Variants in GPC5 observed in about 807,000 individuals in gnomAD.
The protein encoded by GPC5 is glypican 5, also known as glypican-5.
In GPC5, 47 loss-of-function variants were observed where a neutral mutation model predicts 53.9. The ratio of observed to expected loss-of-function variants is 0.87; its 90% CI spans 0.69 to 1.11. The LOEUF is 1.11. GPC5 is among the 50% of genes most tolerant of loss of function. GPC5 has a pLI of 0.00. For synonymous variants in GPC5, 286 were observed against 263.3 expected, an observed-to-expected ratio of 1.09 and a Z score of -0.84; for missense variants, 748 against 713.1, an observed-to-expected ratio of 1.05 and a Z score of -0.56.
rs563934628 is a variant in GPC5, at chr13:91,699,247, A to G, written c.1020+5366A>G. 3.3e-5 allele frequency among the ~76,000 whole-genome samples: 5 copies of G among 152,314 alleles called. No homozygotes were observed. In the East Asian group the frequency reaches 9.6e-4, roughly 29 times the overall value. On this transcript the variant is annotated intron_variant, in intron 3 of 7. Coordinates refer to ENST00000377067, the MANE Select transcript of GPC5 (RefSeq NM_004466.6). The stretch of plus-strand genomic sequence containing the variant: ...TTCCATAATATATGAAAAGTTGACA[A>G]GATATTGTTTCTGAAATAAAAATGT...
At chr13:91,677,423 A>G (rs1449756858) in intron 2 of GPC5, among the ~76,000 whole-genome samples, 4 of 152,172 alleles carry the variant, frequency 2.6e-5, no homozygotes, top group African/African-American at 9.7e-5. Context: ...AGGCCATGAT[A>G]TTTTGATTAA....
At position 92,181,447 on chromosome 13, in the gene GPC5, T is replaced by C. The variant is rs1279822790; in HGVS notation, c.1561+36458T>C. On this transcript the variant is annotated intron_variant, in intron 7 of 7. Transcript: ENST00000377067. Reference sequence around the variant, plus strand: ...CCCTCTTGGTATGCTAGATAATTAATGCTTTGAATACATGAATCATTGCTA... The same window carrying C: ...CCCTCTTGGTATGCTAGATAATTAACGCTTTGAATACATGAATCATTGCTA... 2.0e-5 allele frequency among the ~76,000 whole-genome samples: 3 copies of C among 152,332 alleles called. No individual in the cohort carries two copies. The East Asian group carries it at 5.8e-4, about 29-fold the overall frequency.
chr13:92,422,669 G>C (rs1370547427), intron 7 of GPC5, among the ~76,000 whole-genome samples: 1 of 152,126 alleles, frequency 6.6e-6, no homozygotes, highest in Non-Finnish European at 1.5e-5. Context: ...ACACAAGGCT[G>C]GTTCTCACTA....
Position 91,735,322 on chromosome 13 carries a change from CT to C in GPC5, c.1154+6658del, listed in dbSNP as rs1204765175. On this transcript the variant is annotated intron_variant, in intron 4 of 7. Coordinates refer to ENST00000377067, the MANE Select transcript of GPC5 (RefSeq NM_004466.6). ...TCTGATCCAATTTCCCCAAAAAACC[CT>C]AAAACAGTCCATCCTTTCCCCCTTT... 1.5e-4 allele frequency among the ~76,000 whole-genome samples: 22 copies of C among 151,198 alleles called. 4 individuals carry two copies. The highest frequency in any genetic ancestry group is 5.2e-4 in the African/African-American group (21 of 40,640).
intron 5 of GPC5, among the ~76,000 whole-genome samples, chr13:91,762,437 AG>A (rs139316428): frequency 0.015 from 2,228 of 152,108 alleles, 45 homozygotes; most frequent in African/African-American, 0.042. Context: ...AGTTTCCAAA[AG>A]TTTTGAACTT....
intron 2 of GPC5, among the ~76,000 whole-genome samples, chr13:91,671,890 C>A (rs1270666412): frequency 1.4e-5 from 2 of 141,410 alleles, no homozygotes; most frequent in Non-Finnish European, 3.0e-5. Flanking sequence ...GGTATCAAAA[C>A]AGACATAGAG....
At chr13:92,698,729 A>C (rs1566369957) in intron 7 of GPC5, among the ~76,000 whole-genome samples, 1 of 152,156 alleles carries the variant, frequency 6.6e-6, no homozygotes, top group Non-Finnish European at 1.5e-5. Flanking sequence ...TAGATCCCTG[A>C]GGAAGCACCA....
intron 6 of GPC5, among the ~76,000 whole-genome samples, chr13:92,024,940 G>A (rs1422336872): frequency 6.6e-6 from 1 of 152,054 alleles, no homozygotes; most frequent in African/African-American, 2.4e-5. Flanking sequence ...TATTAAATTT[G>A]TGAGTAGAGT....
chr13:92,186,739 A>G (rs959929731), intron 7 of GPC5, among the ~76,000 whole-genome samples: 4 of 152,154 alleles, frequency 2.6e-5, no homozygotes. Context: ...CTCATGTGTA[A>G]TACAGTGTCT....
intron 7 of GPC5, among the ~76,000 whole-genome samples, chr13:92,707,379 A>G (rs17267348): frequency 0.17 from 26,025 of 151,984 alleles, 2,344 homozygotes; most frequent in Admixed American, 0.2. Context: ...TGCCTCTCGT[A>G]TGATGCAGAC....
chr13:92,293,800 C>G (rs1357535404), intron 7 of GPC5, among the ~76,000 whole-genome samples: 1 of 151,974 alleles, frequency 6.6e-6, no homozygotes, highest in Non-Finnish European at 1.5e-5. Flanking sequence ...CAACTTTTTC[C>G]CATTCAATAT....
intron 7 of GPC5, among the ~76,000 whole-genome samples, chr13:92,347,061 A>T (rs2043418981): frequency 6.6e-6 from 1 of 152,146 alleles, no homozygotes; most frequent in African/African-American, 2.4e-5. Context: ...CCATGAAGAG[A>T]CCAAACTTAC....
At chr13:91,667,940 G>A (rs1269061149) in intron 2 of GPC5, among the ~76,000 whole-genome samples, 2 of 152,118 alleles carry the variant, frequency 1.3e-5, no homozygotes, top group African/African-American at 4.8e-5. Flanking sequence ...TCAGTACCAT[G>A]GATGTATTTT....
intron 7 of GPC5, among the ~76,000 whole-genome samples, chr13:92,360,630 C>A (rs545682564): frequency 6.6e-6 from 1 of 151,534 alleles, no homozygotes; most frequent in East Asian, 1.9e-4. Context: ...TTGATCAGAG[C>A]AATCAGGCAG....
At chr13:91,419,272 C>A (rs2138976303) in intron 1 of GPC5, among the ~76,000 whole-genome samples, 1 of 152,116 alleles carries the variant, frequency 6.6e-6, no homozygotes, top group African/African-American at 2.4e-5. Context: ...TTCATATAAT[C>A]TGAAAATAAT....
At chr13:92,535,585 C>T (rs548893255) in intron 7 of GPC5, among the ~76,000 whole-genome samples, 3 of 151,730 alleles carry the variant, frequency 2.0e-5, no homozygotes, top group Non-Finnish European at 2.9e-5. Flanking sequence ...TTTGAGAGGC[C>T]TCAGAATAAG....
chr13:91,517,530 A>G (rs1293627672), intron 2 of GPC5, among the ~76,000 whole-genome samples: 3 of 152,160 alleles, frequency 2.0e-5, no homozygotes, highest in African/African-American at 7.2e-5. Context: ...TTCAACAAGT[A>G]TCTAGGAAGT....
intron 5 of GPC5, among the ~76,000 whole-genome samples, chr13:91,879,419 AC>A: frequency 6.6e-6 from 1 of 152,208 alleles, no homozygotes; most frequent in Non-Finnish European, 1.5e-5. Context: ...AATACCATAG[AC>A]TTTGTGGCTT....
intron 2 of GPC5, among the ~76,000 whole-genome samples, chr13:91,603,332 G>C (rs2033241994): frequency 6.6e-6 from 1 of 152,254 alleles, no homozygotes; most frequent in Non-Finnish European, 1.5e-5. Context: ...GAGAGGAGTT[G>C]CTTCAGTCAT....
Sources: allele counts gnomAD v4.1 joint callset (sites outside exome capture counted in the v4.1 genomes callset), GRCh38; gene constraint gnomAD v4.1.1; transcripts MANE v1.5; gene names NCBI Gene and HGNC (gene_info 2026-07-23, HGNC 2026-07-21).